The following ZAN variants were observed in gnomAD, a reference collection of about 807,000 sequenced individuals.
ZAN encodes zonadhesin, also known as zonadhesin (gene/pseudogene).
ZAN carries 260 observed loss-of-function variants against 286.2 expected under a neutral mutation model. The observed-to-expected ratio is 0.91, with a 90% CI of 0.82 to 1.01. ZAN has a LOEUF of 1.01. Ranked by LOEUF, ZAN falls within the 50% of genes least tolerant of loss-of-function variation. ZAN has a pLI of 0.00. For synonymous variants in ZAN, 1,368 were observed against 1,417.5 expected, an observed-to-expected ratio of 0.97 and a Z score of 0.79; for missense variants, 3,410 against 3,639.2, an observed-to-expected ratio of 0.94 and a Z score of 1.62.
rs960730307 is a variant in ZAN at position 100,744,530 on chromosome 7, G to A, written c.767-2008G>A. ...GGAGAATTGTTTGAACCTGGGAGGC[G>A]GAGGTTGCAGTGAGCCGAGATAGCG... On this transcript the variant is annotated intron_variant, in intron 7 of 47. Coordinates refer to ENST00000613979, the MANE Select transcript of ZAN (RefSeq NM_003386.3). 6.0e-5 allele frequency among the ~76,000 whole-genome samples: 9 copies of A among 151,212 alleles called. 1 individual carries two copies. In the South Asian group the frequency reaches 8.4e-4, roughly 14 times the overall value.
At chr7:100,753,911 C>T (rs1277776642) in intron 14 of ZAN, among the ~76,000 whole-genome samples, 1 of 150,756 alleles carries the variant, frequency 6.6e-6, no homozygotes, top group Non-Finnish European at 1.5e-5. Flanking sequence ...ACCATCATCA[C>T]TTTCTAATCC....
At chr7:100,738,393 G>A in intron 6 of ZAN, 68 bp from the exon 7 acceptor site, 1 of 1,337,218 alleles carries the variant, frequency 7.5e-7, no homozygotes. Flanking sequence ...ACTCTAGCCT[G>A]GGTGACAGAG....
intron 35 of ZAN, 46 bp from the exon 36 acceptor site, chr7:100,784,577 C>T (rs779821390): frequency 1.3e-6 from 2 of 1,597,470 alleles, no homozygotes; most frequent in Non-Finnish European, 1.7e-6. Context: ...CCCACCTTGG[C>T]CCCCTGTGAC....
rs772010875 is a variant in ZAN, at chr7:100,792,500, A to G, written c.7787+21A>G. ...AGTGGGTACGCCATCCTCTGCCAGGAGGCGGGCGCTGCCCTGGCTGGCTGG... is the reference window on the plus strand; with the variant it reads ...AGTGGGTACGCCATCCTCTGCCAGGGGGCGGGCGCTGCCCTGGCTGGCTGG... On this transcript the variant is annotated intron_variant, in intron 42 of 47. Transcript: ENST00000613979. 14 of 1,613,566 alleles carry G rather than the reference A, an allele frequency of 8.7e-6. No homozygotes were observed. In the East Asian group the frequency reaches 3.1e-4, roughly 36 times the overall value.
Position 100,793,915 on chromosome 7 carries a change from C to G in ZAN, c.7883C>G (p.Pro2628Arg). 1 of 1,613,972 alleles carries G rather than the reference C, an allele frequency of 6.2e-7. No homozygotes were observed. Among genetic ancestry groups the G allele is most frequent in the South Asian group, 1.1e-5 (1 of 91,082 alleles). ...QPGRPRGLRGPLRGRLRQHPR... is the reference protein window; with the variant it reads ...QPGRPRGLRGRLRGRLRQHPR... ...GGCAGACCCCGGGGACTGCGAGGGC[C>G]CCTGCGTGGAAGGCTGCGCCAGCAT... The change falls in exon 43 of 48, where the codon CCC becomes CGC. Residue 2628 changes from proline (P) to arginine (R), a missense_variant. Around this residue, in one of 7 missense-constraint regions of ZAN, gnomAD observed 1,289 missense variants for 1,314.3 expected, o/e 0.98. Transcript: ENST00000613979.
At chr7:100,750,511 G>A in intron 11 of ZAN, 114 bp from the exon 12 acceptor site, 1 of 1,264,590 alleles carries the variant, frequency 7.9e-7, no homozygotes, top group South Asian at 1.5e-5. Context: ...GCTACGACCT[G>A]GGAAATTTGA....
chr7:100,749,840 C>T (rs528481598), intron 11 of ZAN, among the ~76,000 whole-genome samples: 21 of 150,588 alleles, frequency 1.4e-4, no homozygotes, highest in South Asian at 1.3e-3. Context: ...CACTTGAGGC[C>T]GAAAGTTCAA....
At chr7:100,754,446 G>A (rs903835297) in intron 14 of ZAN, among the ~76,000 whole-genome samples, 3 of 151,848 alleles carry the variant, frequency 2.0e-5, no homozygotes, top group African/African-American at 7.3e-5. Context: ...GTGATAAAGT[G>A]AGACTCCGTC....
In ZAN at chr7:100,779,429, T is replaced by G. The variant is rs573768980; in HGVS notation, c.6318-17T>G. ...AGGGGGACGGCTGTCCCTAGGCTGA[T>G]TCTTTTCCCTTCCCAGTTGTCAGAG... On this transcript the variant is annotated splice_polypyrimidine_tract_variant and intron_variant, in intron 34 of 47. Coordinates refer to ENST00000613979, the MANE Select transcript of ZAN (RefSeq NM_003386.3). The G allele has an allele frequency of 1.2e-4, 189 of 1,594,186 alleles. 2 individuals are homozygous for G. In the East Asian group the frequency reaches 4.0e-3, roughly 34 times the overall value.
chr7:100,763,846 T>C lies in ZAN; in HGVS notation c.4027T>C (p.Ser1343Pro). 6.2e-7 allele frequency: 1 copy of C among 1,614,040 alleles called. No individual in the cohort carries two copies. Among genetic ancestry groups the C allele is most frequent in the Non-Finnish European group, 8.5e-7 (1 of 1,179,890 alleles). Residue 1343 changes from serine (S) to proline (P), a missense_variant, in exon 21 of 48, where the codon TCA (serine) becomes CCA (proline). By Grantham distance (74) the Ser-to-Pro change is moderately conservative. Around this residue, in one of 7 missense-constraint regions of ZAN, gnomAD observed 1,042 missense variants for 1,058.0 expected, o/e 0.98. Coordinates refer to ENST00000613979, the MANE Select transcript of ZAN (RefSeq NM_003386.3). This position sits in a 1 kb window ranked among gnomAD's most constrained non-coding sequence, Gnocchi z 4.6. ...YQVVNSPSCD[S>P]SLQSSMSGPG... ...GGTGGTGAATTCCCCGTCTTGTGAT[T>C]CATCTCTGCAGAGCAGCATGTCGGG...
chr7:100,787,903 T>C lies in ZAN; in HGVS notation c.6994T>C (p.Ser2332Pro). The C allele has an allele frequency of 1.3e-6, 2 of 1,529,620 alleles. No individual in the cohort carries two copies. The highest frequency in any genetic ancestry group is 1.8e-6 in the Non-Finnish European group (2 of 1,123,106). 94.8% of individuals were successfully genotyped at this position (1,529,620 alleles called of 1,614,324 possible). ...NCVSDKSEQCSVYGDPRYLTF... is the reference protein window; with the variant it reads ...NCVSDKSEQCPVYGDPRYLTF... ...CTTCTTGGCAGAGTCTGAACAATGC[T>C]CAGTCTATGGCGACCCCCGTTACCT... The change falls in exon 38 of 48, where the codon TCA becomes CCA. Residue 2332 changes from serine (S) to proline (P), a missense_variant. By Grantham distance (74) the Ser-to-Pro change is moderately conservative. This residue lies in a region of ZAN where 1,289 missense variants were observed against 1,314.3 expected (regional missense o/e 0.98). Coordinates refer to ENST00000613979, the MANE Select transcript of ZAN (RefSeq NM_003386.3).
chr7:100,783,255 C>G (rs552551597), intron 35 of ZAN, among the ~76,000 whole-genome samples: 5 of 151,746 alleles, frequency 3.3e-5, no homozygotes, highest in African/African-American at 1.2e-4. Flanking sequence ...GCGGAAAGAG[C>G]GAAACTCTAT....
intron 40 of ZAN, among the ~76,000 whole-genome samples, chr7:100,791,561 C>T (rs963020231): frequency 6.6e-6 from 1 of 151,936 alleles, no homozygotes; most frequent in Non-Finnish European, 1.5e-5. Flanking sequence ...CATGGGCCAC[C>T]ACGCTCAGCT....
At chr7:100,772,368 T>G (rs1482540671) in intron 29 of ZAN, among the ~76,000 whole-genome samples, 1 of 146,024 alleles carries the variant, frequency 6.8e-6, no homozygotes, top group Non-Finnish European at 1.5e-5. Flanking sequence ...AGGCAGAGGT[T>G]GCAGTGAGCC....
Position 100,785,984 on chromosome 7 carries a change from G to A in ZAN, c.6835-13G>A, listed in dbSNP as rs1394024713. On this transcript the variant is annotated splice_polypyrimidine_tract_variant and intron_variant, in intron 36 of 47. Transcript: ENST00000613979. ...CCCTCCTCACTCTCTTTCTCTTCCT[G>A]TAACTTCTACAGCTGGGCAAGAGCT... The A allele has an allele frequency of 5.0e-6, 8 of 1,611,262 alleles. No individual in the cohort carries two copies. Among genetic ancestry groups the A allele is most frequent in the Non-Finnish European group, 6.8e-6 (8 of 1,178,868 alleles).
intron 7 of ZAN, among the ~76,000 whole-genome samples, chr7:100,739,356 G>C (rs971637198): frequency 7.2e-6 from 1 of 138,124 alleles, no homozygotes; most frequent in Admixed American, 7.2e-5. Context: ...CCTACAATAT[G>C]CCAGGTGCTG....
chr7:100,753,832 T>TAA (rs59347418), intron 14 of ZAN, among the ~76,000 whole-genome samples: 10 of 73,104 alleles, frequency 1.4e-4, no homozygotes, highest in Admixed American at 1.8e-4. Context: ...GACATCGTCC[T>TAA]AAAAAAAAAA....
Position 100,751,943 on chromosome 7 carries a change from A to G in ZAN, c.1838A>G (p.Asn613Ser). 6.4e-7 allele frequency: 1 copy of G among 1,573,110 alleles called. No homozygotes were observed. Among genetic ancestry groups the G allele is most frequent in the Non-Finnish European group, 8.6e-7 (1 of 1,161,874 alleles). The change falls in exon 14 of 48, where the codon AAC becomes AGC. Residue 613 changes from asparagine to serine, a missense_variant. Around this residue, in one of 7 missense-constraint regions of ZAN, gnomAD observed 872 missense variants for 938.9 expected, o/e 0.93. Transcript: ENST00000613979. ...CCCACCATTCCTTCAGAAAAACCCA[A>G]CATGCCCTCAGAAAAACCCACCATT... ...EKPTIPSEKPNMPSEKPTIPS... is the reference protein window; with the variant it reads ...EKPTIPSEKPSMPSEKPTIPS...
intron 38 of ZAN, among the ~76,000 whole-genome samples, chr7:100,788,758 G>T (rs1223032803): frequency 1.3e-5 from 2 of 152,028 alleles, no homozygotes; most frequent in Non-Finnish European, 2.9e-5. Flanking sequence ...GAGTGCAGTG[G>T]CACCATCTAG....
Sources: allele counts gnomAD v4.1 joint callset (sites outside exome capture counted in the v4.1 genomes callset), GRCh38; gene constraint gnomAD v4.1.1; regional missense constraint gnomAD v4.1.1; non-coding constraint Gnocchi (gnomAD v3.1); transcripts MANE v1.5; gene names NCBI Gene and HGNC (gene_info 2026-07-23, HGNC 2026-07-21).